Variants in ST3GAL5 observed in about 807,000 individuals in gnomAD.
The protein encoded by ST3GAL5 is ST3 beta-galactoside alpha-2,3-sialyltransferase 5.
ST3GAL5 carries 25 observed loss-of-function variants against 46.1 expected under a neutral mutation model. That is an observed-to-expected ratio of 0.54 (90% CI 0.40 to 0.76). The LOEUF is 0.76. ST3GAL5 is among the 30% of genes least tolerant of loss of function. The probability of loss-of-function intolerance (pLI) is 0.00; values close to 1 mark genes in which losing one functional copy is unlikely to be tolerated. For missense variants in ST3GAL5, 431 were observed against 521.2 expected (o/e 0.83, Z 1.69); for synonymous variants, 182 against 192.7 (o/e 0.94, Z 0.46).
Position 85,839,846 on chromosome 2 carries a change from AT to A in ST3GAL5, c.*297del. ...GTGTAAACGAGCAGAAGTTTTACAA[AT>A]TAAATTACTTTCTTAAAAATCAATA... On this transcript the variant is annotated 3_prime_UTR_variant, in exon 7 of 7. Transcript: ENST00000638572. 2.4e-6 allele frequency: 1 copy of A among 415,396 alleles called. No homozygotes were observed. Among genetic ancestry groups the A allele is most frequent in the Non-Finnish European group, 4.5e-6 (1 of 222,430 alleles). 25.7% of individuals were successfully genotyped at this position (415,396 alleles called of 1,614,324 possible). A position where few individuals can be genotyped will look rare whatever the true frequency, so the allele number is the denominator to read the frequency against.
chr2:85,871,524 T>C (rs571539425), intron 1 of ST3GAL5, among the ~76,000 whole-genome samples: 30 of 152,328 alleles, frequency 2.0e-4, no homozygotes, highest in South Asian at 1.7e-3. Flanking sequence ...CAGTACATGA[T>C]GAATTGCCAA....
chr2:85,885,720 C>G (rs903966776), intron 1 of ST3GAL5, among the ~76,000 whole-genome samples: 2 of 151,282 alleles, frequency 1.3e-5, no homozygotes, highest in Non-Finnish European at 2.9e-5. Flanking sequence ...CCCAGCTACT[C>G]GGGAAGCTGA....
chr2:85,887,100 A>G (rs1015319265), intron 1 of ST3GAL5, among the ~76,000 whole-genome samples: 2 of 152,178 alleles, frequency 1.3e-5, no homozygotes, highest in Non-Finnish European at 2.9e-5. Flanking sequence ...AGGACTCACC[A>G]ACCTCTTTTC....
intron 1 of ST3GAL5, among the ~76,000 whole-genome samples, chr2:85,886,170 T>C (rs540564873): frequency 2.0e-5 from 3 of 152,340 alleles, no homozygotes; most frequent in East Asian, 1.9e-4. Flanking sequence ...TGCTCACGCC[T>C]GTAATCTCAG....
chr2:85,852,684 C>T (rs1573614584), intron 3 of ST3GAL5, among the ~76,000 whole-genome samples: 3 of 152,018 alleles, frequency 2.0e-5, no homozygotes. Flanking sequence ...GTTTTTAATA[C>T]TCATCAAACA....
In ST3GAL5 at chr2:85,847,871, C is replaced by T; in HGVS notation, c.652G>A (p.Val218Ile). 6.2e-7 allele frequency: 1 copy of T among 1,613,904 alleles called. No individual in the cohort carries two copies. The highest frequency in any genetic ancestry group is 8.5e-7 in the Non-Finnish European group (1 of 1,179,994). The change falls in exon 4 of 7, where the codon GTT becomes ATT. Residue 218 changes from valine (V) to isoleucine (I), a missense_variant. Val to Ile is a conservative substitution (Grantham distance 29). Coordinates refer to ENST00000638572, the MANE Select transcript of ST3GAL5 (RefSeq NM_003896.4). Reference protein sequence around the residue: ...ELGHTLNQFDVVIRLNSAPVE... With the variant: ...ELGHTLNQFDIVIRLNSAPVE... ...AAAAAACCAATGTACCTTATCACAACATCGAACTGGTTCAGGGTGTGGCCC... is the reference window on the plus strand; with the variant it reads ...AAAAAACCAATGTACCTTATCACAATATCGAACTGGTTCAGGGTGTGGCCC...
chr2:85,849,144 A>AAGGTGAG (rs1285514428), intron 3 of ST3GAL5: 2 of 152,294 alleles, frequency 1.3e-5, no homozygotes, highest in African/African-American at 4.8e-5. Flanking sequence ...TTGGGAGGCC[A>AAGGTGAG]AGGTGAGAGG....
intron 6 of ST3GAL5, among the ~76,000 whole-genome samples, chr2:85,841,566 C>T (rs920636878): frequency 2.6e-5 from 4 of 152,178 alleles, no homozygotes; most frequent in African/African-American, 9.7e-5. Context: ...AACTCCTGGG[C>T]TCAAGCAATC....
rs1406680894 is a variant in ST3GAL5, at chr2:85,888,922, C to T, written c.-17G>A. On this transcript the variant is annotated 5_prime_UTR_variant, in exon 1 of 7. Transcript: ENST00000638572. Reference sequence around the variant, plus strand: ...CGTCCGCATACTAATGAGGGGGCGCCGGCCGGCCGCCAGCCCGGTACCCCG... The same window carrying T: ...CGTCCGCATACTAATGAGGGGGCGCTGGCCGGCCGCCAGCCCGGTACCCCG... 1.5e-6 allele frequency: 2 copies of T among 1,342,718 alleles called. No individual in the cohort carries two copies. The highest frequency in any genetic ancestry group is 9.6e-7 in the Non-Finnish European group (1 of 1,040,978). The allele number at this position is 1,342,718 out of a possible 1,614,324, so 83.2% of individuals were successfully genotyped here. A position where few individuals can be genotyped will look rare whatever the true frequency, so the allele number is the denominator to read the frequency against.
At chr2:85,885,733 C>T (rs1436332309) in intron 1 of ST3GAL5, among the ~76,000 whole-genome samples, 1 of 151,216 alleles carries the variant, frequency 6.6e-6, no homozygotes, top group Non-Finnish European at 1.5e-5. Context: ...GAAGCTGAGG[C>T]AGAATGGCGT....
Position 85,848,168 on chromosome 2 carries a change from C to T in ST3GAL5, c.355G>A (p.Glu119Lys). 6.2e-7 allele frequency: 1 copy of T among 1,614,212 alleles called. No homozygotes were observed. Among genetic ancestry groups the T allele is most frequent in the Non-Finnish European group, 8.5e-7 (1 of 1,180,046 alleles). The change falls in exon 4 of 7, where the codon GAA (glutamate) becomes AAA (lysine). Residue 119 changes from glutamate to lysine, a missense_variant. Coordinates refer to ENST00000638572, the MANE Select transcript of ST3GAL5 (RefSeq NM_003896.4). ...QKYAQQVLQK[E>K]CRPKFAKTSM... is the part of the protein sequence containing the mutation. ...GTCTTGGCAAACTTGGGACGACATT[C>T]CTTCTGCAAGACTTGCTGAGCATAT...
intron 1 of ST3GAL5, chr2:85,880,766 G>A (rs779315063): frequency 1.3e-5 from 6 of 447,858 alleles, no homozygotes; most frequent in Non-Finnish European, 2.6e-5. Flanking sequence ...TGAGGTTGCA[G>A]TGAGCCAAGA....
At chr2:85,877,134 T>C (rs1436257240) in intron 1 of ST3GAL5, among the ~76,000 whole-genome samples, 3 of 152,178 alleles carry the variant, frequency 2.0e-5, no homozygotes, top group African/African-American at 7.2e-5. Context: ...TTTTAGTATT[T>C]CCTAAAAACA....
intron 3 of ST3GAL5, among the ~76,000 whole-genome samples, chr2:85,857,794 AC>A (rs755985342): frequency 1.3e-5 from 2 of 152,266 alleles, no homozygotes; most frequent in African/African-American, 2.4e-5. Context: ...ATTGTAGAAC[AC>A]GACTACTCCG....
intron 6 of ST3GAL5, among the ~76,000 whole-genome samples, chr2:85,841,257 T>C (rs1373108306): frequency 2.6e-5 from 4 of 151,878 alleles, no homozygotes; most frequent in African/African-American, 9.7e-5. Context: ...TGCTGGCAAA[T>C]AGCACTTCCA....
At chr2:85,851,347 G>A (rs1005275515) in intron 3 of ST3GAL5, 35 of 1,174,484 alleles carry the variant, frequency 3.0e-5, no homozygotes, top group Middle Eastern at 3.9e-4. Flanking sequence ...TCCTGGCAAC[G>A]TCTAAAGCCA....
At chr2:85,872,985 C>T (rs987717470) in intron 1 of ST3GAL5, among the ~76,000 whole-genome samples, 7 of 152,156 alleles carry the variant, frequency 4.6e-5, no homozygotes, top group Non-Finnish European at 8.8e-5. Flanking sequence ...ATGGGGCGGC[C>T]GAGAGGAGGC....
intron 3 of ST3GAL5, chr2:85,849,318 G>T (rs1683196044): frequency 6.6e-6 from 1 of 152,218 alleles, no homozygotes; most frequent in Non-Finnish European, 1.5e-5. Context: ...AACCTGGAAG[G>T]TTGACACTGT....
intron 1 of ST3GAL5, chr2:85,865,748 G>C (rs778083768): frequency 2.0e-5 from 3 of 152,396 alleles, no homozygotes; most frequent in Non-Finnish European, 4.4e-5. Context: ...AAAGACTCCA[G>C]GGCTTCCGCC....
Sources: gnomAD v4.1 joint callset for allele counts (sites outside exome capture counted in the v4.1 genomes callset) on GRCh38, gnomAD v4.1.1 for gene constraint, MANE v1.5 for transcripts, NCBI Gene and HGNC (gene_info 2026-07-23, HGNC 2026-07-21) for gene names.